Variants in DHRS4 observed in about 807,000 individuals in gnomAD.
DHRS4 encodes dehydrogenase/reductase SDR family member 4.
A neutral mutation model predicts 28.4 loss-of-function variants in DHRS4; 20 were observed. The observed-to-expected ratio is 0.71, with a 90% CI of 0.50 to 1.02. The LOEUF (loss-of-function observed/expected upper bound fraction) is 1.02. Among genes scored for constraint, DHRS4 ranks in the 50% least tolerant of loss-of-function variants. DHRS4 has a pLI of 0.00. For missense variants in DHRS4, 378 were observed against 367.2 expected, an observed-to-expected ratio of 1.03 and a Z score of -0.24; for synonymous variants, 144 against 146.4, an observed-to-expected ratio of 0.98 and a Z score of 0.12.
chr14:23,958,901 C>G (rs527446351), intron 2 of DHRS4, among the ~76,000 whole-genome samples: 21 of 152,312 alleles, frequency 1.4e-4, no homozygotes, highest in East Asian at 1.2e-3. Flanking sequence ...CACTACTGAA[C>G]TATAAGATCT....
intron 3 of DHRS4, among the ~76,000 whole-genome samples, chr14:23,964,659 C>T (rs1442923113): frequency 7.3e-6 from 1 of 137,408 alleles, no homozygotes; most frequent in Non-Finnish European, 1.6e-5. Flanking sequence ...TCACTGCAAC[C>T]TCCACCTCCC....
At chr14:23,965,489 G>C (rs1260439443) in intron 3 of DHRS4, among the ~76,000 whole-genome samples, 1 of 137,112 alleles carries the variant, frequency 7.3e-6, no homozygotes, top group Non-Finnish European at 1.5e-5. Flanking sequence ...GGCCCCTTCT[G>C]GCCCAAATCA....
intron 2 of DHRS4, among the ~76,000 whole-genome samples, chr14:23,956,599 CT>C (rs1229716867): frequency 0.012 from 1,363 of 116,976 alleles, 7 homozygotes; most frequent in Non-Finnish European, 0.017. Context: ...CCTCCATATC[CT>C]TTTTTTTTTT....
chr14:23,961,540 T>TTA (rs1320637247), intron 3 of DHRS4, among the ~76,000 whole-genome samples: 1 of 129,362 alleles, frequency 7.7e-6, no homozygotes, highest in African/African-American at 3.5e-5. Flanking sequence ...TTTTTTTTTT[T>TTA]TTTTCCCTCG....
At chr14:23,966,054 A>G in intron 5 of DHRS4, 71 bp downstream of exon 5, 1 of 1,607,866 alleles carries the variant, frequency 6.2e-7, no homozygotes, top group East Asian at 2.2e-5. Context: ...CCTATTACCC[A>G]AGGAAGTTTG....
rs1276504390 is a variant in DHRS4, at chr14:23,953,864, C to T, written c.76C>T (p.Arg26Cys). 2.5e-6 allele frequency: 4 copies of T among 1,612,554 alleles called. No individual in the cohort carries two copies. In the African/African-American group the frequency reaches 4.0e-5, roughly 16 times the overall value. ...SVRMASSGMT[R>C]RDPLANKVAL... ...GCGGATGGCCAGCTCCGGGATGACCCGCCGGGACCCGCTCGCAAATAAGGT... is the reference window on the plus strand; with the variant it reads ...GCGGATGGCCAGCTCCGGGATGACCTGCCGGGACCCGCTCGCAAATAAGGT... Residue 26 changes from arginine to cysteine, a missense_variant, in exon 1 of 8, where the codon CGC (arginine) becomes TGC (cysteine). Physicochemically the swap from Arg to Cys is radical, Grantham distance 180 (BLOSUM62 -3). Coordinates refer to ENST00000313250, the MANE Select transcript of DHRS4 (RefSeq NM_021004.4).
At position 23,967,123 on chromosome 14, in the gene DHRS4, C is replaced by T. The variant is rs1163013799; in HGVS notation, c.667-88C>T. 31 of 1,514,942 alleles carry T rather than the reference C, an allele frequency of 2.0e-5. 1 individual carries two copies. The highest frequency in any genetic ancestry group is 1.7e-4 in the Middle Eastern group (1 of 5,756). The allele number at this position is 1,514,942 out of a possible 1,614,324, so 93.8% of individuals were successfully genotyped here. On this transcript the variant is annotated intron_variant, in intron 6 of 7. Transcript: ENST00000313250. The stretch of plus-strand genomic sequence containing the variant: ...GAGCCAAGATAGCGCCACTACAGTC[C>T]GGCCTGGGCAAAAGAGCAAGACTCC...
At chr14:23,954,333 G>A (rs2032993791) in intron 1 of DHRS4, 2 of 178,508 alleles carry the variant, frequency 1.1e-5, no homozygotes, top group South Asian at 2.5e-4. Flanking sequence ...AAAGTCCCCC[G>A]GAACCCCTCC....
chr14:23,965,602 C>T (rs1166827382), intron 3 of DHRS4, among the ~76,000 whole-genome samples, 160 bp from the exon 4 acceptor site: 1 of 147,658 alleles, frequency 6.8e-6, no homozygotes, highest in African/African-American at 2.5e-5. Flanking sequence ...CTACTTCTCC[C>T]TGAACCTCAG....
chr14:23,960,969 G>T (rs2033392748), intron 3 of DHRS4, among the ~76,000 whole-genome samples: 1 of 151,878 alleles, frequency 6.6e-6, no homozygotes, highest in Admixed American at 6.6e-5. Flanking sequence ...GCAAGAGAGA[G>T]ATACCAGTCT....
intron 3 of DHRS4, among the ~76,000 whole-genome samples, chr14:23,960,706 T>G (rs893139245): frequency 3.3e-5 from 5 of 152,080 alleles, no homozygotes; most frequent in African/African-American, 1.2e-4. Flanking sequence ...CCCACATGAT[T>G]GGGAAATGCT....
At chr14:23,966,252 A>G in intron 5 of DHRS4, 31 bp from the exon 6 acceptor site, 5 of 1,592,464 alleles carry the variant, frequency 3.1e-6, no homozygotes, top group Non-Finnish European at 4.3e-6. Context: ...CCTGGAAACT[A>G]TGAGTCTAAC....
chr14:23,966,095 C>T, intron 5 of DHRS4, 112 bp downstream of exon 5: 2 of 1,601,352 alleles, frequency 1.2e-6, no homozygotes, highest in African/African-American at 1.3e-5. Context: ...CCACCAAGTC[C>T]CTGCCCACAA....
intron 1 of DHRS4, among the ~76,000 whole-genome samples, chr14:23,954,725 T>A (rs1313947864): frequency 6.6e-6 from 1 of 152,224 alleles, no homozygotes; most frequent in East Asian, 1.9e-4. Context: ...TGGCTGCTGC[T>A]GCAAACCCAG....
Position 23,953,839 on chromosome 14 carries a change from G to A in DHRS4, c.51G>A (p.Val17=), listed in dbSNP as rs1238359900. 1.2e-6 allele frequency: 2 copies of A among 1,614,032 alleles called. No individual in the cohort carries two copies. The highest frequency in any genetic ancestry group is 1.1e-5 in the South Asian group (1 of 91,084). ...TCTGTGCCCGGGCTTGGAATTCGGT[G>A]CGGATGGCCAGCTCCGGGATGACCC... is the stretch of plus-strand genomic sequence containing the variant. ...LGLCARAWNS[V]RMASSGMTRR... The change falls in exon 1 of 8, where the codon GTG becomes GTA. Residue 17 remains valine (V), a synonymous_variant. Transcript: ENST00000313250.
chr14:23,959,364 C>G (rs572110911), intron 2 of DHRS4, among the ~76,000 whole-genome samples: 1 of 152,272 alleles, frequency 6.6e-6, no homozygotes, highest in Admixed American at 6.5e-5. Context: ...TCCAGACCAG[C>G]CTGGGCAACA....
At chr14:23,968,346 C>G (rs1301092784) in intron 7 of DHRS4, among the ~76,000 whole-genome samples, 1 of 150,690 alleles carries the variant, frequency 6.6e-6, no homozygotes. Context: ...AAGTTCTAAG[C>G]TGAACCTGTA....
intron 3 of DHRS4, among the ~76,000 whole-genome samples, chr14:23,963,980 C>T (rs2033513286): frequency 6.6e-6 from 1 of 151,164 alleles, no homozygotes; most frequent in Non-Finnish European, 1.5e-5. Flanking sequence ...GCAGTCAGAA[C>T]ACACAACATT....
intron 7 of DHRS4, chr14:23,967,735 TC>T (rs2033682950): frequency 4.4e-6 from 1 of 226,818 alleles, no homozygotes; most frequent in South Asian, 3.1e-5. Flanking sequence ...GGTGAACTGT[TC>T]AAGCACCTTT....
Sources: allele counts gnomAD v4.1 joint callset (sites outside exome capture counted in the v4.1 genomes callset), GRCh38; gene constraint gnomAD v4.1.1; transcripts MANE v1.5; gene names NCBI Gene and HGNC (gene_info 2026-07-23, HGNC 2026-07-21).